HIRA: variants seen among roughly 807,000 people sequenced by gnomAD.
HIRA encodes the protein protein HIRA.
HIRA carries 13 observed loss-of-function variants against 126.6 expected under a neutral mutation model. That is an observed-to-expected ratio of 0.10 (90% CI 0.07 to 0.16). The LOEUF is 0.16. Ranked by LOEUF, HIRA falls within the 10% of genes least tolerant of loss-of-function variation. The pLI, the probability that HIRA is intolerant of heterozygous loss-of-function variation, is 1.00. For missense variants in HIRA, 834 were observed against 1,314.4 expected (o/e 0.63, Z 5.65); for synonymous variants, 511 against 520.0 (o/e 0.98, Z 0.24).
intron 8 of HIRA, 50 bp from the exon 9 acceptor site, chr22:19,392,264 G>C: frequency 8.4e-7 from 1 of 1,183,708 alleles, no homozygotes; most frequent in South Asian, 1.3e-5. Context: ...CATCAGGCAT[G>C]TCCCCTGTGC....
At chr22:19,369,215 AG>A (rs1160818701) in intron 15 of HIRA, among the ~76,000 whole-genome samples, 1 of 151,984 alleles carries the variant, frequency 6.6e-6, no homozygotes, top group Admixed American at 6.6e-5. Context: ...GCCTTAGGAG[AG>A]GGTGGAGCAG....
intron 1 of HIRA, chr22:19,430,337 T>C (rs1468674826): frequency 2.0e-5 from 3 of 152,094 alleles, no homozygotes; most frequent in African/African-American, 7.3e-5. Flanking sequence ...TCACACAAGA[T>C]GGAAGGAGAG....
At chr22:19,390,090 T>G (rs1362601578) in intron 9 of HIRA, among the ~76,000 whole-genome samples, 1 of 152,022 alleles carries the variant, frequency 6.6e-6, no homozygotes, top group Non-Finnish European at 1.5e-5. Flanking sequence ...CTCCCTGCAC[T>G]GCATGCGGAG....
At chr22:19,342,217 A>C (rs1334894286) in intron 24 of HIRA, among the ~76,000 whole-genome samples, 1 of 152,160 alleles carries the variant, frequency 6.6e-6, no homozygotes, top group Non-Finnish European at 1.5e-5. Context: ...CAACATCACT[A>C]ATTATCAGGG....
At position 19,418,325 on chromosome 22, in the gene HIRA, G is replaced by T. The variant is rs529679956; in HGVS notation, c.38-7547C>A. Among the ~76,000 whole-genome samples the T allele has an allele frequency of 2.0e-5, 3 of 152,074 alleles. No homozygotes were observed. In the East Asian group the frequency reaches 5.8e-4, roughly 29 times the overall value. On this transcript the variant is annotated intron_variant, in intron 1 of 24. Coordinates refer to ENST00000263208, the MANE Select transcript of HIRA (RefSeq NM_003325.4). ...GGAGGAGTGTAGGAGGGAGGTGGGT[G>T]TAATTATAAAAATTGTTGGCGGGGT...
At chr22:19,398,525 G>C (rs1044342746) in intron 5 of HIRA, among the ~76,000 whole-genome samples, 1 of 152,192 alleles carries the variant, frequency 6.6e-6, no homozygotes, top group South Asian at 2.1e-4. Flanking sequence ...GCTGACAACT[G>C]AACACAAGTC....
At chr22:19,404,315 G>A (rs1031750173) in intron 5 of HIRA, among the ~76,000 whole-genome samples, 5 of 152,082 alleles carry the variant, frequency 3.3e-5, no homozygotes, top group Non-Finnish European at 7.4e-5. Context: ...CTGGGCGGTG[G>A]GTAGGAAAGA....
chr22:19,362,344 A>G (rs1486062836), intron 15 of HIRA, among the ~76,000 whole-genome samples: 2 of 152,184 alleles, frequency 1.3e-5, no homozygotes, highest in African/African-American at 4.8e-5. Context: ...TTGAATTACT[A>G]TAGTTTATGA....
In HIRA at chr22:19,431,517, G is replaced by A; in HGVS notation, c.-41C>T. 1.3e-6 allele frequency: 2 copies of A among 1,532,836 alleles called. No individual in the cohort carries two copies. Among genetic ancestry groups the A allele is most frequent in the Non-Finnish European group, 8.8e-7 (1 of 1,140,094 alleles). The allele number at this position is 1,532,836 out of a possible 1,614,324, so 95.0% of individuals were successfully genotyped here. A position where few individuals can be genotyped will look rare whatever the true frequency, so the allele number is the denominator to read the frequency against. ...GCCGCCGGGCTGAGGCGAGCGCCGG[G>A]TCCCTCAGCGCGCCCGGGCCATGGA... is the stretch of plus-strand genomic sequence containing the variant. On this transcript the variant is annotated 5_prime_UTR_variant, in exon 1 of 25. Coordinates refer to ENST00000263208, the MANE Select transcript of HIRA (RefSeq NM_003325.4).
At chr22:19,363,177 G>T (rs7288785) in intron 15 of HIRA, among the ~76,000 whole-genome samples, 20,489 of 150,724 alleles carry the variant, frequency 0.14, 2,767 homozygotes, top group African/African-American at 0.35. Flanking sequence ...GAGGTTGCAG[G>T]GAGTCAAGAT....
chr22:19,391,489 T>G (rs1369585901), intron 9 of HIRA, among the ~76,000 whole-genome samples: 1 of 151,100 alleles, frequency 6.6e-6, no homozygotes, highest in East Asian at 1.9e-4. Context: ...TTTTCTTTTT[T>G]TTTTTTTTTT....
chr22:19,398,638 A>G (rs752160511), intron 5 of HIRA, among the ~76,000 whole-genome samples: 1 of 152,176 alleles, frequency 6.6e-6, no homozygotes, highest in Admixed American at 6.5e-5. Flanking sequence ...ATTCACATTC[A>G]CTTCTTTGTG....
chr22:19,337,149 T>C (rs1236916320), intron 24 of HIRA, among the ~76,000 whole-genome samples: 3 of 151,960 alleles, frequency 2.0e-5, no homozygotes, highest in Non-Finnish European at 4.4e-5. Context: ...CAGGCTGGAG[T>C]GCAGTGGCGT....
chr22:19,402,845 C>T (rs537156488), intron 5 of HIRA, among the ~76,000 whole-genome samples: 12 of 152,246 alleles, frequency 7.9e-5, no homozygotes, highest in Admixed American at 7.2e-4. Context: ...GTGGCTTATG[C>T]CTGTAATCCC....
chr22:19,339,479 A>G (rs1235503079), intron 24 of HIRA, among the ~76,000 whole-genome samples: 1 of 152,114 alleles, frequency 6.6e-6, no homozygotes, highest in Admixed American at 6.5e-5. Context: ...TATCAAAAAT[A>G]GAAAAAAATT....
intron 15 of HIRA, among the ~76,000 whole-genome samples, chr22:19,364,137 A>T (rs1816370052): frequency 6.6e-6 from 1 of 151,904 alleles, no homozygotes; most frequent in Non-Finnish European, 1.5e-5. Flanking sequence ...GTGAACCTAA[A>T]CTGCTCTAAC....
At chr22:19,412,172 G>T (rs898619664) in intron 1 of HIRA, among the ~76,000 whole-genome samples, 1 of 152,166 alleles carries the variant, frequency 6.6e-6, no homozygotes, top group African/African-American at 2.4e-5. Flanking sequence ...GAGAAACCTA[G>T]TTGTCATGTG....
chr22:19,384,143 C>A (rs906903598), intron 12 of HIRA, among the ~76,000 whole-genome samples: 8 of 151,860 alleles, frequency 5.3e-5, no homozygotes, highest in East Asian at 1.9e-4. Context: ...CATGGTGAAA[C>A]CCCGTCTCTA....
chr22:19,356,317 C>T (rs2088811531), intron 19 of HIRA, 29 bp from the exon 20 acceptor site: 2 of 1,604,022 alleles, frequency 1.2e-6, no homozygotes, highest in Non-Finnish European at 1.7e-6. Flanking sequence ...ACAGTTTACT[C>T]ACCAACCCAG....
Sources: gnomAD v4.1 joint callset for allele counts (sites outside exome capture counted in the v4.1 genomes callset) on GRCh38, gnomAD v4.1.1 for gene constraint, MANE v1.5 for transcripts, NCBI Gene and HGNC (gene_info 2026-07-23, HGNC 2026-07-21) for gene names.